PCDH15: variants seen among roughly 807,000 people sequenced by gnomAD.
The protein encoded by PCDH15 is protocadherin-15.
Under a neutral mutation model 178.5 loss-of-function variants are expected in PCDH15, and 129 were observed. That is an observed-to-expected ratio of 0.72 (90% CI 0.63 to 0.84). The LOEUF (loss-of-function observed/expected upper bound fraction) is 0.84, where lower values mean the gene tolerates loss of function less well. PCDH15 is among the 40% of genes least tolerant of loss of function. The probability of loss-of-function intolerance (pLI) is 0.00; values close to 1 mark genes in which losing one functional copy is unlikely to be tolerated. For missense variants in PCDH15, 2,230 were observed against 2,099.9 expected (o/e 1.06, Z -1.21); for synonymous variants, 800 against 732.0 (o/e 1.09, Z -1.50).
chr10:54,410,119 C>A (rs1421190777), intron 3 of PCDH15, among the ~76,000 whole-genome samples: 1 of 152,094 alleles, frequency 6.6e-6, no homozygotes, highest in Non-Finnish European at 1.5e-5. Flanking sequence ...AGAATCTAGA[C>A]AAAATGTCAG....
intron 5 of PCDH15, among the ~76,000 whole-genome samples, chr10:54,366,103 C>T (rs1946755089): frequency 6.6e-6 from 1 of 152,020 alleles, no homozygotes; most frequent in African/African-American, 2.4e-5. Context: ...GTTTTATTCC[C>T]AACTTCGTGG....
chr10:55,273,527 G>A (rs1363380172), intron 1 of PCDH15, among the ~76,000 whole-genome samples: 1 of 152,066 alleles, frequency 6.6e-6, no homozygotes, highest in African/African-American at 2.4e-5. Flanking sequence ...TGTATGTGGT[G>A]GGTGGGTTGG....
intron 26 of PCDH15, among the ~76,000 whole-genome samples, chr10:53,873,362 G>A (rs7086938): frequency 0.013 from 1,909 of 152,242 alleles, 30 homozygotes; most frequent in African/African-American, 0.043. Flanking sequence ...TGCTGCTTCC[G>A]CTGTTTGCTA....
chr10:55,563,248 T>G (rs1018228843), intron 2 of PCDH15, among the ~76,000 whole-genome samples: 2 of 151,894 alleles, frequency 1.3e-5, no homozygotes, highest in Non-Finnish European at 2.9e-5. Context: ...TAAGGTGACT[T>G]CCAGGAGATT....
At chr10:54,886,264 T>G (rs533430535) in intron 3 of PCDH15, among the ~76,000 whole-genome samples, 533 of 152,292 alleles carry the variant, frequency 3.5e-3, no homozygotes, top group South Asian at 5.6e-3. Context: ...TTTCATTTTT[T>G]AAAAACGAAT....
intron 9 of PCDH15, among the ~76,000 whole-genome samples, chr10:54,220,115 G>A (rs1388832424): frequency 6.6e-6 from 1 of 152,114 alleles, no homozygotes; most frequent in Non-Finnish European, 1.5e-5. Flanking sequence ...AATGGAGCAG[G>A]GCTCCTGGAA....
At chr10:53,830,410 TTACA>T (rs2076949819) in intron 30 of PCDH15, among the ~76,000 whole-genome samples, 1 of 152,234 alleles carries the variant, frequency 6.6e-6, no homozygotes, top group South Asian at 2.1e-4. Flanking sequence ...TTATTGTTTA[TTACA>T]TAAAGTAATT....
intron 3 of PCDH15, among the ~76,000 whole-genome samples, chr10:54,459,426 T>C (rs2077033495): frequency 6.6e-6 from 1 of 152,058 alleles, no homozygotes; most frequent in African/African-American, 2.4e-5. Context: ...AATTACCCTA[T>C]GATCAAGTTT....
At chr10:55,442,391 G>A (rs1380496124) in intron 2 of PCDH15, among the ~76,000 whole-genome samples, 1 of 145,342 alleles carries the variant, frequency 6.9e-6, no homozygotes, top group Admixed American at 7.0e-5. Context: ...TTACCAAAAA[G>A]GCAATGTTTA....
intron 3 of PCDH15, among the ~76,000 whole-genome samples, chr10:54,851,215 C>T (rs979411844): frequency 2.0e-5 from 3 of 152,100 alleles, no homozygotes; most frequent in Non-Finnish European, 4.4e-5. Context: ...TGTATCAAAA[C>T]ATCTCATATA....
At chr10:54,869,390 C>T (rs1953995537) in intron 3 of PCDH15, among the ~76,000 whole-genome samples, 2 of 152,138 alleles carry the variant, frequency 1.3e-5, no homozygotes, top group South Asian at 4.1e-4. Context: ...GAATAAATTT[C>T]TGTAGTTTAA....
At chr10:54,917,095 A>G (rs1837355652) in intron 2 of PCDH15, among the ~76,000 whole-genome samples, 1 of 152,200 alleles carries the variant, frequency 6.6e-6, no homozygotes. Flanking sequence ...AACAATGCCT[A>G]TGGTACTGGA....
chr10:54,194,844 GAACTTAA>G lies in PCDH15; in HGVS notation c.1305+832_1305+838del, dbSNP rs577166563. On this transcript the variant is annotated intron_variant, in intron 11 of 37. Transcript: ENST00000644397. ...CTTTGGGAATTAGAATACCTCTGGG[GAACTTAA>G]AACTTAAAAGACAGGCACTCAATGG... Among the ~76,000 whole-genome samples the G allele has an allele frequency of 2.8e-4, 43 of 152,166 alleles. No individual in the cohort carries two copies. The East Asian group carries it at 7.4e-3, about 26-fold the overall frequency.
At chr10:53,924,422 G>A (rs957752560) in intron 25 of PCDH15, among the ~76,000 whole-genome samples, 2 of 152,202 alleles carry the variant, frequency 1.3e-5, no homozygotes, top group African/African-American at 2.4e-5. Context: ...TCCCTGCGGG[G>A]CAAGGCTTGG....
chr10:54,936,452 C>G (rs1733769), intron 2 of PCDH15, among the ~76,000 whole-genome samples: 2 of 151,754 alleles, frequency 1.3e-5, no homozygotes, highest in African/African-American at 4.8e-5. Flanking sequence ...GAGTAACTGC[C>G]AAACAGTTTT....
At chr10:54,482,187 AAGTTAT>A in intron 3 of PCDH15, among the ~76,000 whole-genome samples, 1 of 151,986 alleles carries the variant, frequency 6.6e-6, no homozygotes, top group African/African-American at 2.4e-5. Context: ...ATTAAGAAAA[AAGTTAT>A]TTAAAAATGT....
chr10:54,685,777 A>T (rs1172496124), intron 1 of PCDH15, among the ~76,000 whole-genome samples: 1 of 152,194 alleles, frequency 6.6e-6, no homozygotes, highest in Non-Finnish European at 1.5e-5. Context: ...ACAGTTGGGC[A>T]AAATCATCTA....
intron 8 of PCDH15, among the ~76,000 whole-genome samples, chr10:54,316,529 TACAC>T (rs35604056): frequency 0.018 from 2,438 of 132,222 alleles, 23 homozygotes; most frequent in East Asian, 0.044. Flanking sequence ...AATATGTGTA[TACAC>T]ACACACACAC....
intron 9 of PCDH15, among the ~76,000 whole-genome samples, chr10:54,220,787 T>A (rs1456246229): frequency 6.6e-6 from 1 of 151,650 alleles, no homozygotes; most frequent in Non-Finnish European, 1.5e-5. Flanking sequence ...ATCGCGCCAC[T>A]GCACTCCAGC....
Sources: allele counts gnomAD v4.1 joint callset (sites outside exome capture counted in the v4.1 genomes callset), GRCh38; gene constraint gnomAD v4.1.1; transcripts MANE v1.5; gene names NCBI Gene and HGNC (gene_info 2026-07-23, HGNC 2026-07-21).